The following NPC1 variants were observed in gnomAD, a reference collection of about 807,000 sequenced individuals.
NPC1 encodes the protein Niemann-Pick C1 protein.
NPC1 carries 85 observed loss-of-function variants against 140.4 expected under a neutral mutation model. The ratio of observed to expected loss-of-function variants is 0.61; its 90% CI spans 0.51 to 0.72. The LOEUF (loss-of-function observed/expected upper bound fraction) is 0.72. Ranked by LOEUF, NPC1 falls within the 30% of genes least tolerant of loss-of-function variation. The probability of loss-of-function intolerance (pLI) is 0.00; values close to 1 mark genes in which losing one functional copy is unlikely to be tolerated. For synonymous variants in NPC1, 656 were observed against 624.8 expected (o/e 1.05, Z -0.74); for missense variants, 1,504 against 1,623.8 (o/e 0.93, Z 1.27).
downstream of NPC1, chr18:23,520,405 G>GT (rs2058112577): frequency 1.9e-6 from 2 of 1,034,774 alleles, no homozygotes; most frequent in African/African-American, 3.2e-5. Context: ...TAAAAGTGGA[G>GT]TGAGGAATAA....
At chr18:23,532,476 C>T (rs1014999559) in intron 24 of NPC1, among the ~76,000 whole-genome samples, 192 bp from the exon 25 acceptor site, 3 of 152,146 alleles carry the variant, frequency 2.0e-5, no homozygotes, top group African/African-American at 4.8e-5. Context: ...CTTTCTTCCT[C>T]AGGCTGCAGT....
Position 23,541,327 on chromosome 18 carries a change from C to G in NPC1, c.2352G>C (p.Gly784=), listed in dbSNP as rs140103678. The change falls in exon 15 of 25, where the codon GGG becomes GGC. Residue 784 remains glycine, a synonymous_variant. Coordinates refer to ENST00000269228, the MANE Select transcript of NPC1 (RefSeq NM_000271.5). ...TTACCTCTTGACGTTTAATGTCTAA[C>G]CCCAAGAGACTCACGAAACAGGTAA... ...LQITCFVSLL[G]LDIKRQEKNR... is the part of the protein sequence containing the mutation. 5.0e-6 allele frequency: 8 copies of G among 1,614,086 alleles called. No individual in the cohort carries two copies. In the African/African-American group the frequency reaches 1.1e-4, roughly 22 times the overall value.
chr18:23,519,155 T>C, downstream of NPC1: 1 of 1,614,064 alleles, frequency 6.2e-7, no homozygotes, highest in Non-Finnish European at 8.5e-7. Flanking sequence ...CTGGTAGTCG[T>C]GCATCATCAG....
chr18:23,518,532 G>C (rs1282142951), downstream of NPC1, among the ~76,000 whole-genome samples: 1 of 151,948 alleles, frequency 6.6e-6, no homozygotes, highest in Non-Finnish European at 1.5e-5. Context: ...ATATTTTCCT[G>C]TTATTAAGGA....
At chr18:23,574,916 T>C (rs908151250) in intron 1 of NPC1, among the ~76,000 whole-genome samples, 1 of 152,228 alleles carries the variant, frequency 6.6e-6, no homozygotes, top group East Asian at 1.9e-4. Context: ...ATTGCAACTC[T>C]GGGTTTCCAA....
chr18:23,585,556 C>A (rs1222659759), intron 1 of NPC1, among the ~76,000 whole-genome samples: 1 of 152,208 alleles, frequency 6.6e-6, no homozygotes, highest in African/African-American at 2.4e-5. Context: ...CACAGCGTGA[C>A]ACTGCCCCAC....
chr18:23,560,229 A>G lies in NPC1; in HGVS notation c.881+2T>C. 1 of 1,614,102 alleles carries G rather than the reference A, an allele frequency of 6.2e-7. No individual in the cohort carries two copies. Among genetic ancestry groups the G allele is most frequent in the Non-Finnish European group, 8.5e-7 (1 of 1,179,994 alleles). The stretch of plus-strand genomic sequence containing the variant: ...CCCTGGATGACAAACAAAACTGCTT[A>G]CCTGTAGCACCACACTGCAAAAAAT... On this transcript the variant is annotated splice_donor_variant, in intron 6 of 24. Transcript: ENST00000269228. LOFTEE classifies it high-confidence loss of function.
chr18:23,527,719 A>G (rs2058347631), downstream of NPC1: 3 of 1,185,096 alleles, frequency 2.5e-6, no homozygotes, highest in Non-Finnish European at 3.8e-6. Flanking sequence ...ATTAGTTTTT[A>G]TCATAGCAAC....
downstream of NPC1, chr18:23,528,932 T>G (rs770937862): frequency 2.6e-6 from 1 of 388,090 alleles, no homozygotes; most frequent in South Asian, 3.8e-5. Flanking sequence ...CAGGCTGGAG[T>G]GCAATGGTGA....
At chr18:23,525,392 C>T (rs34804160), downstream of NPC1, among the ~76,000 whole-genome samples, 27 of 152,016 alleles carry the variant, frequency 1.8e-4, no homozygotes, top group African/African-American at 5.6e-4. Context: ...GGCCTACAGG[C>T]GCACATCACC....
chr18:23,515,799 C>G, intron 3 of NPC1: 1 of 1,605,982 alleles, frequency 6.2e-7, no homozygotes, highest in Non-Finnish European at 8.5e-7. Context: ...TCCCAAAGTG[C>G]TGGGATTAGT....
chr18:23,535,182 A>G (rs2058608965), intron 22 of NPC1, among the ~76,000 whole-genome samples: 1 of 152,160 alleles, frequency 6.6e-6, no homozygotes, highest in African/African-American at 2.4e-5. Flanking sequence ...ACCATCAGGT[A>G]TACTAGTATA....
chr18:23,573,658 CAG>C, intron 1 of NPC1, 84 bp from the exon 2 acceptor site: 3 of 1,527,818 alleles, frequency 2.0e-6, no homozygotes, highest in Non-Finnish European at 2.7e-6. Flanking sequence ...AGTACAATCA[CAG>C]AAACTTCCAA....
chr18:23,567,612 T>G (rs925256602), intron 4 of NPC1, among the ~76,000 whole-genome samples: 2 of 152,362 alleles, frequency 1.3e-5, no homozygotes, highest in African/African-American at 4.8e-5. Flanking sequence ...CTTCAATTTT[T>G]CACAATCACA....
rs2145324886 is a variant in NPC1, at chr18:23,532,182, C to T, written c.*20G>A. The T allele has an allele frequency of 6.2e-7, 1 of 1,614,140 alleles. No homozygotes were observed. Among genetic ancestry groups the T allele is most frequent in the South Asian group, 1.1e-5 (1 of 91,068 alleles). ...GACCGACCCTTAGACACAGTTCAGTCAGGATGCCCTGCGAGAGGGCTAGAA... is the reference window on the plus strand; with the variant it reads ...GACCGACCCTTAGACACAGTTCAGTTAGGATGCCCTGCGAGAGGGCTAGAA... On this transcript the variant is annotated 3_prime_UTR_variant, in exon 25 of 25. Transcript: ENST00000269228.
chr18:23,524,280 G>A, intron 1 of NPC1: 1 of 1,508,904 alleles, frequency 6.6e-7, no homozygotes, highest in East Asian at 2.3e-5. Flanking sequence ...CACTCCGAGA[G>A]CCACCCCGCA....
downstream of NPC1, chr18:23,524,328 C>T (rs996344205): frequency 1.1e-5 from 17 of 1,498,544 alleles, no homozygotes; most frequent in Middle Eastern, 3.4e-4. Flanking sequence ...TCGCGTTTAG[C>T]GTGGACTCAG....
chr18:23,535,632 GACA>G lies in NPC1; in HGVS notation c.3311_3313del (p.Val1104_Ser1105delinsAla). The G allele has an allele frequency of 6.2e-7, 1 of 1,614,080 alleles. No homozygotes were observed. The highest frequency in any genetic ancestry group is 8.5e-7 in the Non-Finnish European group (1 of 1,180,006). ...GGTCACCAGAAATATCGCGCCCAGG[GACA>G]CACCGAGGTTGAAGATAGTGTCGTC... On this transcript the variant is annotated inframe_deletion, in exon 22 of 25. Transcript: ENST00000269228.
At chr18:23,533,173 A>C in intron 24 of NPC1, 182 bp downstream of exon 24, 1 of 720,488 alleles carries the variant, frequency 1.4e-6, no homozygotes, top group Non-Finnish European at 2.3e-6. Flanking sequence ...AGTAGTCTGC[A>C]CCATCATGAA....
Sources: gnomAD v4.1 joint callset for allele counts (sites outside exome capture counted in the v4.1 genomes callset) on GRCh38, gnomAD v4.1.1 for gene constraint, MANE v1.5 for transcripts, NCBI Gene and HGNC (gene_info 2026-07-23, HGNC 2026-07-21) for gene names.